ARSH: variants seen among roughly 807,000 people sequenced by gnomAD.
The protein encoded by ARSH is arylsulfatase H.
ARSH carries 32 observed loss-of-function variants against 28.7 expected under a neutral mutation model. The observed-to-expected ratio is 1.11, with a 90% CI of 0.84 to 1.50. ARSH has a LOEUF of 1.50. Ranked by LOEUF, ARSH falls within the 40% of genes most tolerant of loss-of-function variation. The pLI is 0.00. For missense variants in ARSH, 440 were observed against 452.4 expected (o/e 0.97, Z 0.25); for synonymous variants, 176 against 177.3 (o/e 0.99, Z 0.06).
Position 3,024,392 on chromosome X carries a change from C to T in ARSH, c.1036+237C>T, listed in dbSNP as rs963957629. On this transcript the variant is annotated intron_variant, in intron 6 of 8. Coordinates refer to ENST00000381130, the MANE Select transcript of ARSH (RefSeq NM_001011719.2). ...GGAGACAGCACAGCATCTCAATGACCATCTGTGGCAGATGTCCCAGCCTCC... is the reference window on the plus strand; with the variant it reads ...GGAGACAGCACAGCATCTCAATGACTATCTGTGGCAGATGTCCCAGCCTCC... Among the ~76,000 whole-genome samples, 9 of 110,521 alleles carry T rather than the reference C, an allele frequency of 8.1e-5. No individual in the cohort carries two copies. In the East Asian group the frequency reaches 2.6e-3, roughly 31 times the overall value.
In ARSH at chrX:3,019,078, A is replaced by G. The variant is rs751242677; in HGVS notation, c.901+408A>G. 7.2e-5 allele frequency among the ~76,000 whole-genome samples: 8 copies of G among 110,529 alleles called. 1 individual carries two copies. In the South Asian group the frequency reaches 2.3e-3, roughly 32 times the overall value. On this transcript the variant is annotated intron_variant, in intron 5 of 8. Transcript: ENST00000381130. ...TCAGGAGTTCTAGACCAGCCTGGCC[A>G]ACATGGTGAAACCCCATCTCTACTG...
chrX:3,027,456 G>C lies in ARSH; in HGVS notation c.1180G>C (p.Gly394Arg), dbSNP rs1193751659. The stretch of plus-strand genomic sequence containing the variant: ...TCCGACGCTGTCTTATATAGGCGGA[G>C]GGATCTTGTCCCAGGACAGGTATGG... ...IYPTLSYIGGGILSQDRVIDG... is the reference protein window; with the variant it reads ...IYPTLSYIGGRILSQDRVIDG... The change falls in exon 7 of 9, where the codon GGG (glycine) becomes CGG (arginine). Residue 394 changes from glycine to arginine, a missense_variant. Transcript: ENST00000381130. 8.3e-7 allele frequency: 1 copy of C among 1,211,313 alleles called. No individual in the cohort carries two copies.
intron 3 of ARSH, among the ~76,000 whole-genome samples, chrX:3,013,434 A>G (rs1330618465): frequency 9.0e-6 from 1 of 111,336 alleles, no homozygotes; most frequent in Non-Finnish European, 1.9e-5. Context: ...TGTTGGAGGG[A>G]TACGATGTTT....
rs765836925 is a variant in ARSH at position 3,011,083 on chromosome X, T to C, written c.214+932T>C. Among the ~76,000 whole-genome samples, 26 of 110,963 alleles carry C rather than the reference T, an allele frequency of 2.3e-4. 1 individual carries two copies. The South Asian group carries it at 8.1e-3, about 34-fold the overall frequency. On this transcript the variant is annotated intron_variant, in intron 2 of 8. Transcript: ENST00000381130. The stretch of plus-strand genomic sequence containing the variant: ...GTTGCCTAATGACCTTCTTTCATAA[T>C]TCAAGGTTCTCCATTTTGTTCAAAA...
chrX:3,029,208 C>T (rs2089907026), intron 7 of ARSH, 39 bp from the exon 8 acceptor site: 1 of 1,180,838 alleles, frequency 8.5e-7, no homozygotes, highest in Non-Finnish European at 1.1e-6. Flanking sequence ...TGAACCATGC[C>T]TCTCTCATCA....
chrX:3,030,585 A>C (rs1388230579), intron 8 of ARSH, among the ~76,000 whole-genome samples: 2 of 111,746 alleles, frequency 1.8e-5, no homozygotes, highest in East Asian at 5.6e-4. Context: ...TACATGGTGG[A>C]AAGCAAGAGA....
intron 6 of ARSH, 117 bp downstream of exon 6, chrX:3,024,272 CT>C: frequency 1.4e-6 from 1 of 714,434 alleles, no homozygotes; most frequent in Non-Finnish European, 1.9e-6. Context: ...GAGTTAGACT[CT>C]TATTAAGCTA....
chrX:3,020,297 AAAAAAAAAG>A, intron 5 of ARSH, among the ~76,000 whole-genome samples: 1 of 101,346 alleles, frequency 9.9e-6, no homozygotes, highest in African/African-American at 3.6e-5. Context: ...AAAAAAAAAA[AAAAAAAAAG>A]AGGCCGAGTG....
intron 6 of ARSH, among the ~76,000 whole-genome samples, chrX:3,024,725 T>C (rs907067710): frequency 9.0e-6 from 1 of 111,330 alleles, no homozygotes; most frequent in Non-Finnish European, 1.9e-5. Flanking sequence ...AAAGAGTTTT[T>C]CATTTGACTG....
At chrX:3,007,327 CA>C (rs1450357106) in intron 1 of ARSH, among the ~76,000 whole-genome samples, 12 of 107,711 alleles carry the variant, frequency 1.1e-4, no homozygotes, top group African/African-American at 4.1e-4. Flanking sequence ...CAGTGTTGGA[CA>C]ACCGTCACCC....
At chrX:3,021,806 C>T (rs1014714256) in intron 5 of ARSH, among the ~76,000 whole-genome samples, 12 of 106,671 alleles carry the variant, frequency 1.1e-4, no homozygotes, top group East Asian at 2.9e-4. Flanking sequence ...TTGACCTCCT[C>T]GGCTCAGGTG....
intron 5 of ARSH, among the ~76,000 whole-genome samples, chrX:3,023,322 G>C (rs2147458905): frequency 9.7e-6 from 1 of 103,359 alleles, no homozygotes; most frequent in African/African-American, 3.4e-5. Context: ...AATTTAATAT[G>C]TTCATTATAT....
chrX:3,018,821 G>A, intron 5 of ARSH, 151 bp downstream of exon 5: 1 of 555,222 alleles, frequency 1.8e-6, no homozygotes, highest in Admixed American at 4.3e-5. Context: ...TTAAAAGCTG[G>A]CTTTTAATTG....
intron 5 of ARSH, among the ~76,000 whole-genome samples, chrX:3,020,417 G>A (rs1320872264): frequency 9.5e-6 from 1 of 105,394 alleles, no homozygotes; most frequent in Non-Finnish European, 1.9e-5. Flanking sequence ...GTGAAACCCC[G>A]TCTCTACTAA....
In ARSH at chrX:3,027,417, T is replaced by C; in HGVS notation, c.1141T>C (p.Leu381=). The change falls in exon 7 of 9, where the codon TTA becomes CTA. Residue 381 remains leucine (L), a synonymous_variant. Coordinates refer to ENST00000381130, the MANE Select transcript of ARSH (RefSeq NM_001011719.2). ...AGRVINEPTS[L]MDIYPTLSYI... ...GAGAGTGATCAATGAGCCCACCAGC[T>C]TAATGGACATCTATCCGACGCTGTC... 2 of 1,211,589 alleles carry C rather than the reference T, an allele frequency of 1.7e-6. No individual in the cohort carries two copies. The highest frequency in any genetic ancestry group is 2.2e-6 in the Non-Finnish European group (2 of 895,389).
rs768754672 is a variant in ARSH, at chrX:3,023,333, A to G, written c.902-688A>G. Among the ~76,000 whole-genome samples, 285 of 105,465 alleles carry G rather than the reference A, an allele frequency of 2.7e-3. 2 individuals carry two copies. Among genetic ancestry groups the G allele is most frequent in the Non-Finnish European group, 4.6e-3 (240 of 52,059 alleles). 91.6% of individuals were successfully genotyped at this position (105,465 alleles called of 115,157 possible). ...ATAAAATTTAATATGTTCATTATAT[A>G]TTATACATTTATTACATATACTCAT... On this transcript the variant is annotated intron_variant, in intron 5 of 8. Coordinates refer to ENST00000381130, the MANE Select transcript of ARSH (RefSeq NM_001011719.2).
intron 2 of ARSH, among the ~76,000 whole-genome samples, chrX:3,011,414 A>T (rs1161811043): frequency 9.1e-6 from 1 of 109,515 alleles, no homozygotes; most frequent in Non-Finnish European, 1.9e-5. Context: ...ACACCCGGCT[A>T]ATTTTTGTAT....
intron 8 of ARSH, among the ~76,000 whole-genome samples, chrX:3,032,750 G>A (rs1426097357): frequency 9.8e-5 from 11 of 111,720 alleles, no homozygotes; most frequent in Non-Finnish European, 1.9e-5. Flanking sequence ...ATTTTAATTT[G>A]GTATTCCCAG....
chrX:3,029,250 G>T lies in ARSH; in HGVS notation c.1203G>T (p.Val401=). The T allele has an allele frequency of 1.7e-6, 2 of 1,209,677 alleles. No homozygotes were observed. Among genetic ancestry groups the T allele is most frequent in the Non-Finnish European group, 2.2e-6 (2 of 894,850 alleles). Residue 401 remains valine, a synonymous_variant, in exon 8 of 9, where the codon GTG becomes GTT. Coordinates refer to ENST00000381130, the MANE Select transcript of ARSH (RefSeq NM_001011719.2). The part of the protein sequence containing the change: ...IGGGILSQDR[V]IDGQNLMPLL... ...ACACACCCCCTTCTCTCCCAAGAGT[G>T]ATTGACGGCCAGAACCTAATGCCCC...
Sources: gnomAD v4.1 joint callset for allele counts (sites outside exome capture counted in the v4.1 genomes callset) on GRCh38, gnomAD v4.1.1 for gene constraint, MANE v1.5 for transcripts, NCBI Gene and HGNC (gene_info 2026-07-23, HGNC 2026-07-21) for gene names.